CDT1: variants seen among roughly 807,000 people sequenced by gnomAD.
CDT1 encodes DNA replication factor Cdt1.
A neutral mutation model predicts 49.3 loss-of-function variants in CDT1; 66 were observed. The observed-to-expected ratio is 1.34, with a 90% CI of 1.10 to 1.64. The LOEUF is 1.64. CDT1 is among the 40% of genes most tolerant of loss of function. The probability of loss-of-function intolerance (pLI) is 0.00; values close to 1 mark genes in which losing one functional copy is unlikely to be tolerated. For missense variants in CDT1, 958 were observed against 807.7 expected, an observed-to-expected ratio of 1.19 and a Z score of -2.26; for synonymous variants, 424 against 347.4, an observed-to-expected ratio of 1.22 and a Z score of -2.45.
intron 3 of CDT1, 25 bp from the exon 4 acceptor site, chr16:88,805,415 C>G: frequency 6.2e-7 from 1 of 1,611,828 alleles, no homozygotes; most frequent in Non-Finnish European, 8.5e-7. Flanking sequence ...TACTGCTTCT[C>G]ATGAGGCTCC....
At chr16:88,806,426 C>A (rs1365927010) in intron 6 of CDT1, 60 bp from the exon 7 acceptor site, 2 of 1,572,570 alleles carry the variant, frequency 1.3e-6, no homozygotes, top group Non-Finnish European at 1.7e-6. Context: ...GCCTACCTCA[C>A]ATGCAGTCTG....
Position 88,804,939 on chromosome 16 carries a change from C to T in CDT1, c.488+41C>T, listed in dbSNP as rs909898286. 2.0e-6 allele frequency: 3 copies of T among 1,533,804 alleles called. No individual in the cohort carries two copies. In the East Asian group the frequency reaches 7.4e-5, roughly 38 times the overall value. On this transcript the variant is annotated intron_variant, in intron 3 of 9. Coordinates refer to ENST00000301019, the MANE Select transcript of CDT1 (RefSeq NM_030928.4). ...GCGGCCACGAGGCCCCGGCAAAGGCCGGGTTGGTGGCAGGCGTGGCCCAGC... is the reference window on the plus strand; with the variant it reads ...GCGGCCACGAGGCCCCGGCAAAGGCTGGGTTGGTGGCAGGCGTGGCCCAGC...
Position 88,804,744 on chromosome 16 carries a change from C to G in CDT1, c.352-18C>G, listed in dbSNP as rs768834459. 1 of 1,612,802 alleles carries G rather than the reference C, an allele frequency of 6.2e-7. No homozygotes were observed. Among genetic ancestry groups the G allele is most frequent in the Non-Finnish European group, 8.5e-7 (1 of 1,179,886 alleles). On this transcript the variant is annotated intron_variant, in intron 2 of 9. Transcript: ENST00000301019. ...GCCTGCCTGCCTGACGGCACCGTGT[C>G]CCCTGATCCCCCTGAAGGACACCAT... is the stretch of plus-strand genomic sequence containing the variant.
intron 5 of CDT1, 57 bp downstream of exon 5, chr16:88,805,926 G>C: frequency 6.2e-7 from 1 of 1,601,666 alleles, no homozygotes; most frequent in South Asian, 1.1e-5. Context: ...CAGTTTCCAG[G>C]GTGGGTGTGA....
At chr16:88,806,361 C>A in intron 6 of CDT1, 125 bp from the exon 7 acceptor site, 1 of 1,231,030 alleles carries the variant, frequency 8.1e-7, no homozygotes, top group Non-Finnish European at 1.2e-6. Context: ...AAGCTGAGCA[C>A]TGGGCAGAGG....
chr16:88,804,151 C>T (rs1474826718), intron 1 of CDT1, 92 bp downstream of exon 1: 1 of 589,884 alleles, frequency 1.7e-6, no homozygotes, highest in African/African-American at 2.1e-5. Flanking sequence ...GGCGGAGGGA[C>T]GGGGGCGGGG....
Position 88,808,102 on chromosome 16 carries a change from T to C in CDT1, c.1478-13T>C. ...CCCAGCACCAGCCTCAGTGTCCTCCTCTCCTCCCCCAGGGGAAATGGAGAA... is the reference window on the plus strand; with the variant it reads ...CCCAGCACCAGCCTCAGTGTCCTCCCCTCCTCCCCCAGGGGAAATGGAGAA... On this transcript the variant is annotated splice_polypyrimidine_tract_variant and intron_variant, in intron 9 of 9. Coordinates refer to ENST00000301019, the MANE Select transcript of CDT1 (RefSeq NM_030928.4). 6.2e-7 allele frequency: 1 copy of C among 1,611,438 alleles called. No individual in the cohort carries two copies. Among genetic ancestry groups the C allele is most frequent in the East Asian group, 2.2e-5 (1 of 44,848 alleles).
chr16:88,805,228 G>A (rs1908805042), intron 3 of CDT1, among the ~76,000 whole-genome samples: 1 of 152,238 alleles, frequency 6.6e-6, no homozygotes, highest in African/African-American at 2.4e-5. Context: ...GGAGCTGCGT[G>A]GACACAGCAG....
chr16:88,805,514 ACAAGTACCAGGTGCTGG>A lies in CDT1; in HGVS notation c.565_581del (p.Lys189GlyfsTer35). On this transcript the variant is annotated frameshift_variant, in exon 4 of 10. Coordinates refer to ENST00000301019, the MANE Select transcript of CDT1 (RefSeq NM_030928.4). LOFTEE classifies it high-confidence loss of function. ...GGCCTGCCGGGACTCGTGCTGCCCTACAAGTACCAGGTGCTGGCGGAGATGTTCCGCAGCATGGACAC... is the reference window on the plus strand; with the variant it reads ...GGCCTGCCGGGACTCGTGCTGCCCTACGGAGATGTTCCGCAGCATGGACAC... The A allele has an allele frequency of 6.2e-7, 1 of 1,612,880 alleles. No individual in the cohort carries two copies. Among genetic ancestry groups the A allele is most frequent in the Non-Finnish European group, 8.5e-7 (1 of 1,179,946 alleles).
chr16:88,804,461 C>T (rs1469098584), intron 1 of CDT1, 84 bp from the exon 2 acceptor site: 2 of 1,531,920 alleles, frequency 1.3e-6, no homozygotes, highest in Admixed American at 1.9e-5. Context: ...TAACTCAGAG[C>T]GGCTTCTGAT....
At position 88,807,031 on chromosome 16, in the gene CDT1, C is replaced by T. The variant is rs573648579; in HGVS notation, c.1123-20C>T. On this transcript the variant is annotated intron_variant, in intron 7 of 9. Coordinates refer to ENST00000301019, the MANE Select transcript of CDT1 (RefSeq NM_030928.4). ...CGTTGCATCTTGTGACCTCTCCAGT[C>T]CAACCTGTCCCTCCCGCAGATGGAG... is the stretch of plus-strand genomic sequence containing the variant. 212 of 1,612,786 alleles carry T rather than the reference C, an allele frequency of 1.3e-4. No individual in the cohort carries two copies. Among genetic ancestry groups the T allele is most frequent in the Middle Eastern group, 1.2e-3 (7 of 6,060 alleles).
Position 88,807,149 on chromosome 16 carries a change from G to C in CDT1, c.1221G>C (p.Pro407=). The change falls in exon 8 of 10, where the codon CCG becomes CCC. Residue 407 remains proline, a synonymous_variant. Coordinates refer to ENST00000301019, the MANE Select transcript of CDT1 (RefSeq NM_030928.4). ...TGCCGGCTACCCCACCAGCCACCCC[G>C]CCTGCAGCCTCTCCCAGTGCTCTGA... ...PALPATPPAT[P]PAASPSALKG... is the part of the protein sequence containing the mutation. 6.2e-7 allele frequency: 1 copy of C among 1,612,468 alleles called. No homozygotes were observed. The highest frequency in any genetic ancestry group is 8.5e-7 in the Non-Finnish European group (1 of 1,179,840).
Position 88,808,156 on chromosome 16 carries a change from C to T in CDT1, c.1519C>T (p.Pro507Ser). 1.2e-6 allele frequency: 2 copies of T among 1,612,790 alleles called. No individual in the cohort carries two copies. The highest frequency in any genetic ancestry group is 1.7e-6 in the Non-Finnish European group (2 of 1,179,938). The stretch of plus-strand genomic sequence containing the variant: ...CCTGCTGCTCCTCTCCGAGCTGCTG[C>T]CGGACTGGCTCAGCCTCCACCGCAT... ...KHLLLLSELL[P>S]DWLSLHRIRT... is the part of the protein sequence containing the mutation. Residue 507 changes from proline (P) to serine (S), a missense_variant, in exon 10 of 10, where the codon CCG becomes TCG. Transcript: ENST00000301019.
Position 88,808,875 on chromosome 16 carries a change from C to A in CDT1, c.*597C>A, listed in dbSNP as rs186930018. The A allele has an allele frequency of 1.1e-4, 18 of 159,496 alleles. No individual in the cohort carries two copies. The East Asian group carries it at 1.3e-3, about 11-fold the overall frequency. 9.9% of individuals were successfully genotyped at this position (159,496 alleles called of 1,614,324 possible). On this transcript the variant is annotated 3_prime_UTR_variant, in exon 10 of 10. Coordinates refer to ENST00000301019, the MANE Select transcript of CDT1 (RefSeq NM_030928.4). ...GCCGGGTGTGGTGGTGGGCACCTGT[C>A]GTCCCAGCTACTAGGGAGGCTGAGG...
chr16:88,806,024 C>T lies in CDT1; in HGVS notation c.836C>T (p.Ala279Val). ...LTIEPLLEQE[A>V]DGAAPQLTAS... Reference sequence around the variant, plus strand: ...TAGGCCTGGACTCGTCCCACAGAGGCTGACGGAGCAGCCCCCCAGCTCACG... The same window carrying T: ...TAGGCCTGGACTCGTCCCACAGAGGTTGACGGAGCAGCCCCCCAGCTCACG... The change falls in exon 6 of 10, where the codon GCT (alanine) becomes GTT (valine). Residue 279 changes from alanine to valine, a missense_variant. Physicochemically the swap from Ala to Val is moderately conservative, Grantham distance 64. Transcript: ENST00000301019. 1.3e-6 allele frequency: 2 copies of T among 1,590,636 alleles called. No individual in the cohort carries two copies. Among genetic ancestry groups the T allele is most frequent in the Non-Finnish European group, 1.7e-6 (2 of 1,172,236 alleles).
intron 9 of CDT1, among the ~76,000 whole-genome samples, chr16:88,807,825 G>T (rs1379555179): frequency 6.6e-6 from 1 of 152,204 alleles, no homozygotes; most frequent in African/African-American, 2.4e-5. Context: ...GCACATAGGG[G>T]TCCTGACGCT....
intron 3 of CDT1, 28 bp from the exon 4 acceptor site, chr16:88,805,412 T>A (rs753076375): frequency 6.2e-7 from 1 of 1,611,434 alleles, no homozygotes. Flanking sequence ...GCCTACTGCT[T>A]CTCATGAGGC....
chr16:88,806,540 C>T lies in CDT1; in HGVS notation c.988C>T (p.Arg330Cys). The T allele has an allele frequency of 1.9e-6, 3 of 1,609,896 alleles. No homozygotes were observed. The highest frequency in any genetic ancestry group is 2.5e-6 in the Non-Finnish European group (3 of 1,178,852). ...GGTGGTGCCGGAGGACCAGCTGACC[C>T]GCTGGCACCCGCGCTTCAACGTGGA... ...AMVVPEDQLT[R>C]WHPRFNVDEV... The change falls in exon 7 of 10, where the codon CGC becomes TGC. Residue 330 changes from arginine (R) to cysteine (C), a missense_variant. Arg to Cys is a radical substitution (Grantham distance 180). Transcript: ENST00000301019.
chr16:88,804,714 GGCCTGCCT>G (rs747751533), intron 2 of CDT1, 40 bp from the exon 3 acceptor site: 14 of 1,612,064 alleles, frequency 8.7e-6, no homozygotes, highest in East Asian at 6.7e-5. Flanking sequence ...GAGTGGTGCC[GGCCTGCCT>G]GCCTGCCTGA....
Sources: allele counts gnomAD v4.1 joint callset (sites outside exome capture counted in the v4.1 genomes callset), GRCh38; gene constraint gnomAD v4.1.1; transcripts MANE v1.5; gene names NCBI Gene and HGNC (gene_info 2026-07-23, HGNC 2026-07-21).